KIF20B: variants seen among roughly 807,000 people sequenced by gnomAD.
KIF20B encodes the protein kinesin family member 20B.
Under a neutral mutation model 232.5 loss-of-function variants are expected in KIF20B, and 188 were observed. The observed-to-expected ratio is 0.81, with a 90% CI of 0.72 to 0.91. The LOEUF (loss-of-function observed/expected upper bound fraction) is 0.91. Among genes scored for constraint, KIF20B ranks in the 40% least tolerant of loss-of-function variants. The pLI is 0.00. For synonymous variants in KIF20B, 712 were observed against 683.0 expected, an observed-to-expected ratio of 1.04 and a Z score of -0.66; for missense variants, 2,154 against 2,055.9, an observed-to-expected ratio of 1.05 and a Z score of -0.92.
intron 29 of KIF20B, among the ~76,000 whole-genome samples, chr10:89,764,748 T>C (rs1377680542): frequency 2.0e-5 from 3 of 151,180 alleles, no homozygotes; most frequent in South Asian, 2.1e-4. Flanking sequence ...GGGTTGTTTG[T>C]TTTTTTCTTG....
At position 89,718,061 on chromosome 10, in the gene KIF20B, C is replaced by T. The variant is rs149894643; in HGVS notation, c.1271+339C>T. On this transcript the variant is annotated intron_variant, in intron 11 of 32. Coordinates refer to ENST00000371728, the MANE Select transcript of KIF20B (RefSeq NM_001284259.2). ...TGGTTCTAGATGCAATAGATTTTTA[C>T]ATTAATTAGCATTTTAGGCTGAGTA... Among the ~76,000 whole-genome samples the T allele has an allele frequency of 2.5e-3, 383 of 152,296 alleles. 2 individuals carry two copies. The highest frequency in any genetic ancestry group is 8.6e-3 in the African/African-American group (356 of 41,566).
intron 13 of KIF20B, among the ~76,000 whole-genome samples, chr10:89,720,336 A>G (rs918017029): frequency 6.6e-6 from 1 of 152,196 alleles, no homozygotes; most frequent in African/African-American, 2.4e-5. Context: ...GAAGCTTTTT[A>G]TGTAGGTTAA....
At chr10:89,746,173 C>T (rs908724506) in intron 23 of KIF20B, among the ~76,000 whole-genome samples, 25 of 152,194 alleles carry the variant, frequency 1.6e-4, no homozygotes, top group African/African-American at 6.0e-4. Context: ...TGGGCGTGTT[C>T]TACAGGGTGT....
At chr10:89,724,867 C>T (rs909264874) in intron 14 of KIF20B, among the ~76,000 whole-genome samples, 153 bp from the exon 15 acceptor site, 2 of 152,096 alleles carry the variant, frequency 1.3e-5, no homozygotes, top group Non-Finnish European at 1.5e-5. Context: ...CACCCGCCTC[C>T]GCCTCCCAAA....
intron 23 of KIF20B, 94 bp downstream of exon 23, chr10:89,746,053 C>T: frequency 1.1e-6 from 1 of 887,434 alleles, no homozygotes; most frequent in Non-Finnish European, 1.8e-6. Flanking sequence ...CATTGGTGCC[C>T]TGCAGCTCAA....
rs748477932 is a variant in KIF20B, at chr10:89,710,950, TC to T, written c.491-9del. 1.4e-5 allele frequency: 23 copies of T among 1,596,226 alleles called. No individual in the cohort carries two copies. The highest frequency in any genetic ancestry group is 1.9e-5 in the Non-Finnish European group (22 of 1,174,958). On this transcript the variant is annotated splice_polypyrimidine_tract_variant and intron_variant, in intron 5 of 32. Transcript: ENST00000371728. The stretch of plus-strand genomic sequence containing the variant: ...GACTGAGAGAGTATAACACAAAAAT[TC>T]CTTTTGCAGGGACAGAAGAAAATAT...
At chr10:89,733,771 G>A (rs996072632) in intron 19 of KIF20B, among the ~76,000 whole-genome samples, 3 of 152,164 alleles carry the variant, frequency 2.0e-5, no homozygotes, top group Non-Finnish European at 4.4e-5. Flanking sequence ...AGGCTGGACA[G>A]TGTAAATTAT....
rs1257315878 is a variant in KIF20B at position 89,760,514 on chromosome 10, T to C, written c.4681-12T>C. 1 of 1,546,452 alleles carries C rather than the reference T, an allele frequency of 6.5e-7. No homozygotes were observed. The highest frequency in any genetic ancestry group is 8.9e-7 in the Non-Finnish European group (1 of 1,120,138). ...TACAATGCCCTGTTGCTTTAATATT[T>C]CCTTACTTTAGGAAACACAAATCAT... On this transcript the variant is annotated splice_polypyrimidine_tract_variant and intron_variant, in intron 27 of 32. Transcript: ENST00000371728.
intron 26 of KIF20B, among the ~76,000 whole-genome samples, chr10:89,755,572 CCCCTTCCCTTT>C (rs1429232738): frequency 6.6e-6 from 1 of 150,854 alleles, no homozygotes; most frequent in East Asian, 2.0e-4. Flanking sequence ...CCATCCCCTT[CCCCTTCCCTTT>C]CCCTTTCCCT....
intron 23 of KIF20B, among the ~76,000 whole-genome samples, chr10:89,750,243 G>C (rs1213538962): frequency 1.3e-5 from 2 of 152,042 alleles, no homozygotes; most frequent in Non-Finnish European, 2.9e-5. Context: ...TCTTTTTCTA[G>C]TCCTCAGTTT....
intron 26 of KIF20B, among the ~76,000 whole-genome samples, chr10:89,757,040 GTATATATATATATATATATATA>G (rs34325599): frequency 9.0e-6 from 1 of 110,748 alleles, no homozygotes; most frequent in Non-Finnish European, 1.8e-5. Flanking sequence ...GTGTGTGTGT[GTATATATATATATATATATATA>G]TATATATACA....
Position 89,716,507 on chromosome 10 carries a change from A to C in KIF20B, c.1012A>C (p.Ser338Arg). Residue 338 changes from serine to arginine, a missense_variant, in exon 9 of 33, where the codon AGT becomes CGT. By Grantham distance (110) the Ser-to-Arg change is moderately radical (BLOSUM62 -1). Transcript: ENST00000371728. ...TTTAAAACTAGGAATAAAGCACCAGAGTGTTGCCTTCACAAAATTGAATAA... is the reference window on the plus strand; with the variant it reads ...TTTAAAACTAGGAATAAAGCACCAGCGTGTTGCCTTCACAAAATTGAATAA... ...RLLKLGIKHQSVAFTKLNNAS... is the reference protein window; with the variant it reads ...RLLKLGIKHQRVAFTKLNNAS... 1 of 1,593,662 alleles carries C rather than the reference A, an allele frequency of 6.3e-7. No individual in the cohort carries two copies. Among genetic ancestry groups the C allele is most frequent in the Non-Finnish European group, 8.6e-7 (1 of 1,167,424 alleles).
chr10:89,734,619 A>C (rs1295381062), intron 19 of KIF20B, among the ~76,000 whole-genome samples: 1 of 152,176 alleles, frequency 6.6e-6, no homozygotes, highest in Non-Finnish European at 1.5e-5. Context: ...GGCATGGCAG[A>C]TTTCAATTTA....
At chr10:89,732,801 A>C in intron 18 of KIF20B, 102 bp from the exon 19 acceptor site, 1 of 1,066,576 alleles carries the variant, frequency 9.4e-7, no homozygotes, top group Non-Finnish European at 1.3e-6. Flanking sequence ...AACAAATTTG[A>C]AAATAAAATT....
rs1429664350 is a variant in KIF20B at position 89,737,960 on chromosome 10, A to G, written c.3119A>G (p.Lys1040Arg). The G allele has an allele frequency of 1.2e-6, 2 of 1,613,124 alleles. No homozygotes were observed. The highest frequency in any genetic ancestry group is 1.7e-6 in the Non-Finnish European group (2 of 1,179,536). ...GATTATTTGGTAAGTAAGCAAGTTA[A>G]AGAATATCGAATTCAAGAACCCAAT... ...GNDYLVSKQV[K>R]EYRIQEPNRE... Residue 1040 changes from lysine (K) to arginine (R), a missense_variant, in exon 20 of 33, where the codon AAA becomes AGA. Coordinates refer to ENST00000371728, the MANE Select transcript of KIF20B (RefSeq NM_001284259.2).
At chr10:89,772,070 TC>T (rs1842474439) in intron 31 of KIF20B, among the ~76,000 whole-genome samples, 1 of 151,958 alleles carries the variant, frequency 6.6e-6, no homozygotes, top group Non-Finnish European at 1.5e-5. Flanking sequence ...ATATTTGATA[TC>T]ACATGTGTGT....
chr10:89,745,889 C>T lies in KIF20B; in HGVS notation c.4036-10C>T, dbSNP rs756746282. 1 of 1,560,164 alleles carries T rather than the reference C, an allele frequency of 6.4e-7. No homozygotes were observed. The highest frequency in any genetic ancestry group is 1.4e-5 in the African/African-American group (1 of 73,988). Reference sequence around the variant, plus strand: ...AATTTGCAATTAATTTATATTCTTTCAATTTGTAGGAGCAGTTAAATAATC... The same window carrying T: ...AATTTGCAATTAATTTATATTCTTTTAATTTGTAGGAGCAGTTAAATAATC... On this transcript the variant is annotated splice_polypyrimidine_tract_variant and intron_variant, in intron 22 of 32. Coordinates refer to ENST00000371728, the MANE Select transcript of KIF20B (RefSeq NM_001284259.2).
At chr10:89,715,608 A>G (rs1348286891) in intron 8 of KIF20B, among the ~76,000 whole-genome samples, 1 of 152,332 alleles carries the variant, frequency 6.6e-6, no homozygotes, top group South Asian at 2.1e-4. Flanking sequence ...ATATATATTC[A>G]TATGTAATAT....
Position 89,724,087 on chromosome 10 carries a change from C to A in KIF20B, c.1846C>A (p.Arg616=). The part of the protein sequence containing the change: ...TQEFTQYWAQ[R]EADFKETLLQ... ...GGAGTTTACTCAGTATTGGGCTCAA[C>A]GGGAAGCTGACTTTAAGTAAGTTAT... is the stretch of plus-strand genomic sequence containing the variant. Residue 616 remains arginine (R), a synonymous_variant, in exon 14 of 33, where the codon CGG becomes AGG. Coordinates refer to ENST00000371728, the MANE Select transcript of KIF20B (RefSeq NM_001284259.2). The A allele has an allele frequency of 6.7e-7, 1 of 1,490,470 alleles. No homozygotes were observed. The highest frequency in any genetic ancestry group is 1.8e-4 in the Middle Eastern group (1 of 5,534). The allele number at this position is 1,490,470 out of a possible 1,614,324, so 92.3% of individuals were successfully genotyped here. A position where few individuals can be genotyped will look rare whatever the true frequency, so the allele number is the denominator to read the frequency against.
Sources: gnomAD v4.1 joint callset for allele counts (sites outside exome capture counted in the v4.1 genomes callset) on GRCh38, gnomAD v4.1.1 for gene constraint, MANE v1.5 for transcripts, NCBI Gene and HGNC (gene_info 2026-07-23, HGNC 2026-07-21) for gene names.